RASSF8: variants seen among roughly 807,000 people sequenced by gnomAD.
The protein encoded by RASSF8 is Ras association domain family member 8, also known as ras association domain-containing protein 8.
In RASSF8, 22 loss-of-function variants were observed where a neutral mutation model predicts 48.5. The observed-to-expected ratio is 0.45, with a 90% CI of 0.32 to 0.65. RASSF8 has a LOEUF of 0.65. Among genes scored for constraint, RASSF8 ranks in the 30% least tolerant of loss-of-function variants. RASSF8 has a pLI of 0.03. For missense variants in RASSF8, 418 were observed against 489.2 expected, an observed-to-expected ratio of 0.85 and a Z score of 1.37; for synonymous variants, 127 against 171.5, an observed-to-expected ratio of 0.74 and a Z score of 2.03.
intron 3 of RASSF8, among the ~76,000 whole-genome samples, chr12:26,056,851 C>A (rs1479559657): frequency 6.6e-6 from 1 of 151,938 alleles, no homozygotes; most frequent in African/African-American, 2.4e-5. Context: ...TTAATTTTTT[C>A]ATATTCTTTC....
At chr12:26,074,509 A>G (rs945312164), downstream of RASSF8, among the ~76,000 whole-genome samples, 1 of 149,248 alleles carries the variant, frequency 6.7e-6, no homozygotes, top group Admixed American at 6.9e-5. Flanking sequence ...TGCCCAGCCA[A>G]ATTTTTTTTT....
chr12:26,014,156 T>TC (rs1326265168), intron 2 of RASSF8, among the ~76,000 whole-genome samples: 1 of 152,208 alleles, frequency 6.6e-6, no homozygotes, highest in East Asian at 1.9e-4. Flanking sequence ...AAGTGGGTGC[T>TC]CACTCACTAC....
At chr12:26,000,325 G>T (rs1942226208) in intron 2 of RASSF8, among the ~76,000 whole-genome samples, 1 of 152,038 alleles carries the variant, frequency 6.6e-6, no homozygotes, top group Admixed American at 6.5e-5. Flanking sequence ...GGGCTTGGGA[G>T]AAAGAAGCTA....
chr12:25,968,506 C>G (rs1294906992), intron 1 of RASSF8, among the ~76,000 whole-genome samples: 1 of 152,114 alleles, frequency 6.6e-6, no homozygotes, highest in East Asian at 1.9e-4. Flanking sequence ...CCACACCCAG[C>G]TAATTTTTGT....
chr12:25,985,808 T>TC (rs139468505), intron 1 of RASSF8, among the ~76,000 whole-genome samples: 14,873 of 152,128 alleles, frequency 0.098, 778 homozygotes, highest in Middle Eastern at 0.14. Flanking sequence ...AGGCAGTGTG[T>TC]GGTGTGGTTA....
chr12:26,069,033 G>T lies in RASSF8; in HGVS notation c.*215G>T, dbSNP rs777762664. ...ACACATCAACAGTGTTGATATTTTT[G>T]TCCAGCAGCTATAATGCAAAGCCTT... On this transcript the variant is annotated 3_prime_UTR_variant, in exon 6 of 6. Transcript: ENST00000689635. 9.3e-5 allele frequency: 115 copies of T among 1,235,918 alleles called. No homozygotes were observed. Among genetic ancestry groups the T allele is most frequent in the Admixed American group, 3.5e-4 (9 of 25,770 alleles). 76.6% of individuals were successfully genotyped at this position (1,235,918 alleles called of 1,614,324 possible).
intron 2 of RASSF8, among the ~76,000 whole-genome samples, chr12:26,029,604 C>T (rs1942986219): frequency 6.6e-6 from 1 of 152,148 alleles, no homozygotes; most frequent in Non-Finnish European, 1.5e-5. Context: ...GTGCTCTGTA[C>T]TCATGATTGG....
chr12:26,016,695 G>A (rs1227775518), intron 2 of RASSF8, among the ~76,000 whole-genome samples: 1 of 152,104 alleles, frequency 6.6e-6, no homozygotes, highest in African/African-American at 2.4e-5. Flanking sequence ...TAGTTTGTTG[G>A]CAGTTATCCA....
At chr12:25,972,443 C>T (rs543254201) in intron 1 of RASSF8, among the ~76,000 whole-genome samples, 1 of 152,150 alleles carries the variant, frequency 6.6e-6, no homozygotes, top group South Asian at 2.1e-4. Context: ...AGGGCATTTA[C>T]TCCAGCAGTA....
At chr12:25,964,855 A>C (rs1417279911) in intron 1 of RASSF8, among the ~76,000 whole-genome samples, 1 of 152,306 alleles carries the variant, frequency 6.6e-6, no homozygotes, top group Non-Finnish European at 1.5e-5. Context: ...AGAATATCTT[A>C]TAGTAGTTTA....
chr12:25,993,114 G>A (rs1016685706), intron 1 of RASSF8, among the ~76,000 whole-genome samples: 5 of 152,144 alleles, frequency 3.3e-5, no homozygotes, highest in Non-Finnish European at 7.3e-5. Context: ...GAGACACCCT[G>A]AGCACATTAC....
intron 5 of RASSF8, among the ~76,000 whole-genome samples, chr12:26,078,742 A>G (rs1157486532): frequency 6.6e-6 from 1 of 152,234 alleles, no homozygotes; most frequent in Non-Finnish European, 1.5e-5. Flanking sequence ...TAACCATTGG[A>G]TTTAATGGTG....
intron 1 of RASSF8, among the ~76,000 whole-genome samples, chr12:25,960,152 A>G (rs1016699791): frequency 1.2e-4 from 18 of 152,172 alleles, no homozygotes; most frequent in African/African-American, 2.2e-4. Flanking sequence ...GTCCCCAGGA[A>G]GCATTTTAAA....
intron 2 of RASSF8, among the ~76,000 whole-genome samples, chr12:26,001,250 G>C (rs1488922106): frequency 6.7e-6 from 1 of 149,528 alleles, no homozygotes; most frequent in Non-Finnish European, 1.5e-5. Flanking sequence ...GCCCAGGCTG[G>C]AGTTGAACTC....
intron 2 of RASSF8, among the ~76,000 whole-genome samples, chr12:26,044,165 C>T (rs900906536): frequency 1.3e-5 from 2 of 152,166 alleles, no homozygotes; most frequent in Non-Finnish European, 2.9e-5. Flanking sequence ...CTTTGCAGCT[C>T]ACTAAGGCAG....
chr12:25,984,249 TTAG>T (rs1941817422), intron 1 of RASSF8, among the ~76,000 whole-genome samples: 1 of 149,526 alleles, frequency 6.7e-6, no homozygotes, highest in Admixed American at 6.7e-5. Flanking sequence ...TTTTTTTTTT[TTAG>T]TTCTTTTGTA....
rs1943993620 is a variant in RASSF8 at position 26,071,252 on chromosome 12, A to G, written c.*2434A>G. 2 of 984,294 alleles carry G rather than the reference A, an allele frequency of 2.0e-6. No homozygotes were observed. Among genetic ancestry groups the G allele is most frequent in the Non-Finnish European group, 2.4e-6 (2 of 828,920 alleles). 61.0% of individuals were successfully genotyped at this position (984,294 alleles called of 1,614,324 possible). ...AGTATATTTGTGATCATTTTTATCT[A>G]TTGCAAATACAAATGAATTAGATAA... is the stretch of plus-strand genomic sequence containing the variant. On this transcript the variant is annotated 3_prime_UTR_variant, in exon 6 of 6. Transcript: ENST00000689635.
At chr12:26,013,069 C>A (rs565115499) in intron 2 of RASSF8, among the ~76,000 whole-genome samples, 2 of 152,126 alleles carry the variant, frequency 1.3e-5, no homozygotes, top group Non-Finnish European at 2.9e-5. Flanking sequence ...GAGAGTATAT[C>A]TCCCGGAGCT....
At chr12:26,078,967 A>G in intron 5 of RASSF8, 2 of 1,467,646 alleles carry the variant, frequency 1.4e-6, no homozygotes, top group Non-Finnish European at 1.8e-6. Context: ...ATGATTATGT[A>G]TACAAAAACA....
Sources: allele counts gnomAD v4.1 joint callset (sites outside exome capture counted in the v4.1 genomes callset), GRCh38; gene constraint gnomAD v4.1.1; transcripts MANE v1.5; gene names NCBI Gene and HGNC (gene_info 2026-07-23, HGNC 2026-07-21).